Variants in AK3 observed in about 807,000 individuals in gnomAD.
The protein encoded by AK3 is GTP:AMP phosphotransferase AK3, mitochondrial.
AK3 carries 27 observed loss-of-function variants against 23.7 expected under a neutral mutation model. The ratio of observed to expected loss-of-function variants is 1.14; its 90% CI spans 0.84 to 1.57. The LOEUF is 1.57. AK3 is among the 40% of genes most tolerant of loss of function. The probability of loss-of-function intolerance (pLI) is 0.00; values close to 1 mark genes in which losing one functional copy is unlikely to be tolerated. For missense variants in AK3, 406 were observed against 285.6 expected, an observed-to-expected ratio of 1.42 and a Z score of -3.04; for synonymous variants, 159 against 116.0, an observed-to-expected ratio of 1.37 and a Z score of -2.38.
intron 2 of AK3, among the ~76,000 whole-genome samples, chr9:4,719,541 T>C (rs1841837060): frequency 6.6e-6 from 1 of 152,122 alleles, no homozygotes; most frequent in South Asian, 2.1e-4. Flanking sequence ...ATGCTGGGTA[T>C]ATCTGTCAGG....
intron 1 of AK3, among the ~76,000 whole-genome samples, chr9:4,724,454 G>C (rs1841975319): frequency 6.6e-6 from 1 of 152,132 alleles, no homozygotes; most frequent in African/African-American, 2.4e-5. Context: ...TGTAAGAAAA[G>C]ATTGTCTGCC....
In AK3 at chr9:4,733,056, C is replaced by T. The variant is rs148945773; in HGVS notation, c.151+7881G>A. Reference sequence around the variant, plus strand: ...AGAGATAGGGGTCTCACTATGTTGCCCAGGCTGGTCTCAAACTCCTGGACT... The same window carrying T: ...AGAGATAGGGGTCTCACTATGTTGCTCAGGCTGGTCTCAAACTCCTGGACT... On this transcript the variant is annotated intron_variant, in intron 1 of 4. Transcript: ENST00000381809. Among the ~76,000 whole-genome samples the T allele has an allele frequency of 3.3e-5, 5 of 151,778 alleles. No individual in the cohort carries two copies. In the East Asian group the frequency reaches 9.7e-4, roughly 29 times the overall value.
intron 1 of AK3, among the ~76,000 whole-genome samples, chr9:4,729,290 A>G (rs1842099709): frequency 6.6e-6 from 1 of 152,142 alleles, no homozygotes; most frequent in Non-Finnish European, 1.5e-5. Context: ...GATTACAGGC[A>G]TGAGCCACTG....
At chr9:4,730,787 T>C (rs552474778) in intron 1 of AK3, among the ~76,000 whole-genome samples, 1 of 152,338 alleles carries the variant, frequency 6.6e-6, no homozygotes, top group East Asian at 1.9e-4. Context: ...CTAAATAGAT[T>C]TTTGTGTGAT....
intron 1 of AK3, among the ~76,000 whole-genome samples, chr9:4,738,241 C>T (rs1842342485): frequency 6.6e-6 from 1 of 152,220 alleles, no homozygotes; most frequent in South Asian, 2.1e-4. Context: ...TCTCGGCTCG[C>T]TGCAACCTCC....
At chr9:4,721,685 C>G (rs1841899529) in intron 2 of AK3, among the ~76,000 whole-genome samples, 3 of 152,170 alleles carry the variant, frequency 2.0e-5, no homozygotes, top group Non-Finnish European at 2.9e-5. Context: ...TCTTGAACTC[C>G]TGACCTCAGG....
intron 3 of AK3, among the ~76,000 whole-genome samples, chr9:4,718,866 A>C (rs1283558934): frequency 6.6e-5 from 10 of 152,332 alleles, no homozygotes; most frequent in African/African-American, 2.2e-4. Flanking sequence ...AGGTGTTATG[A>C]ATCTCTATCA....
chr9:4,740,567 G>C (rs994117908), intron 1 of AK3, among the ~76,000 whole-genome samples: 1 of 152,228 alleles, frequency 6.6e-6, no homozygotes, highest in African/African-American at 2.4e-5. Context: ...GCTAATGACA[G>C]TCTTCCAAAG....
At chr9:4,740,648 T>G (rs1756867) in intron 1 of AK3, among the ~76,000 whole-genome samples, 1 of 151,920 alleles carries the variant, frequency 6.6e-6, no homozygotes, top group Non-Finnish European at 1.5e-5. Context: ...TGGGAGGACT[T>G]GGGCCTCTGA....
chr9:4,713,614 T>A (rs1204529711), intron 4 of AK3, among the ~76,000 whole-genome samples: 1 of 152,152 alleles, frequency 6.6e-6, no homozygotes, highest in Admixed American at 6.5e-5. Context: ...GGCCAACATT[T>A]ATGTTCTCCT....
chr9:4,730,238 G>T lies in AK3; in HGVS notation c.152-7613C>A, dbSNP rs568116929. Among the ~76,000 whole-genome samples the T allele has an allele frequency of 1.4e-4, 21 of 152,274 alleles. No homozygotes were observed. The East Asian group carries it at 3.9e-3, about 28-fold the overall frequency. ...CGTTTCTTTTTGGAGTGATAAAAATGTTCTAAAATTGATTGAGGTGATGGT... is the reference window on the plus strand; with the variant it reads ...CGTTTCTTTTTGGAGTGATAAAAATTTTCTAAAATTGATTGAGGTGATGGT... On this transcript the variant is annotated intron_variant, in intron 1 of 4. Coordinates refer to ENST00000381809, the MANE Select transcript of AK3 (RefSeq NM_016282.4).
chr9:4,722,636 G>C lies in AK3; in HGVS notation c.152-11C>G. 1 of 1,613,936 alleles carries C rather than the reference G, an allele frequency of 6.2e-7. No homozygotes were observed. Among genetic ancestry groups the C allele is most frequent in the Non-Finnish European group, 8.5e-7 (1 of 1,179,930 alleles). ...CTAACACGCCAATTTCTACAGCAAA[G>C]CGGGGAAAAAAATCAGTAAGTGCAT... On this transcript the variant is annotated splice_polypyrimidine_tract_variant and intron_variant, in intron 1 of 4. Coordinates refer to ENST00000381809, the MANE Select transcript of AK3 (RefSeq NM_016282.4).
intron 1 of AK3, among the ~76,000 whole-genome samples, chr9:4,724,035 T>C (rs569472055): frequency 1.2e-3 from 187 of 152,322 alleles, no homozygotes; most frequent in African/African-American, 4.3e-3. Flanking sequence ...GTCAGATTCA[T>C]GAAACTTCAG....
At position 4,741,038 on chromosome 9, in the gene AK3, CCCGGGG is replaced by C. The variant is rs892243556; in HGVS notation, c.44_49del (p.Ala15_Pro16del). On this transcript the variant is annotated inframe_deletion, in exon 1 of 5. Transcript: ENST00000381809. ...CGACGACACGGTGCCCTTGCCCGAGCCCGGGGCCCCCATGATCACCGCTCGCAGCAG... is the reference window on the plus strand; with the variant it reads ...CGACGACACGGTGCCCTTGCCCGAGCCCCCCATGATCACCGCTCGCAGCAG... 3.8e-6 allele frequency: 6 copies of C among 1,577,134 alleles called. No individual in the cohort carries two copies. The highest frequency in any genetic ancestry group is 3.5e-5 in the South Asian group (3 of 85,994).
chr9:4,733,321 A>T lies in AK3; in HGVS notation c.151+7616T>A, dbSNP rs991771069. The stretch of plus-strand genomic sequence containing the variant: ...TTAGTTAAATGATAGCTTTACACCC[A>T]ATCAAGGGCTTTAAAAAAAAACCTT... On this transcript the variant is annotated intron_variant, in intron 1 of 4. Coordinates refer to ENST00000381809, the MANE Select transcript of AK3 (RefSeq NM_016282.4). 2.4e-5 allele frequency among the ~76,000 whole-genome samples: 3 copies of T among 123,456 alleles called. No individual in the cohort carries two copies. In the East Asian group the frequency reaches 8.7e-4, roughly 36 times the overall value. The allele number at this position is 123,456 out of a possible 152,430, so 81.0% of individuals were successfully genotyped here. A position where few individuals can be genotyped will look rare whatever the true frequency, so the allele number is the denominator to read the frequency against.
At chr9:4,727,324 C>T (rs568668332) in intron 1 of AK3, among the ~76,000 whole-genome samples, 1 of 152,202 alleles carries the variant, frequency 6.6e-6, no homozygotes, top group Non-Finnish European at 1.5e-5. Context: ...CAATAGAAGG[C>T]TGTTTCGTTT....
chr9:4,730,068 C>G (rs932959211), intron 1 of AK3, among the ~76,000 whole-genome samples: 2 of 151,980 alleles, frequency 1.3e-5, no homozygotes, highest in African/African-American at 4.8e-5. Context: ...TGAAAGAAGC[C>G]AGACACAAAA....
chr9:4,734,889 A>T (rs1020329985), intron 1 of AK3, among the ~76,000 whole-genome samples: 1 of 152,180 alleles, frequency 6.6e-6, no homozygotes, highest in Admixed American at 6.5e-5. Flanking sequence ...AAATGAAAGA[A>T]GCCAGTCAGA....
intron 1 of AK3, among the ~76,000 whole-genome samples, chr9:4,731,953 T>C (rs542222971): frequency 3.9e-4 from 60 of 152,250 alleles, no homozygotes; most frequent in Middle Eastern, 6.8e-3. Flanking sequence ...TCTTTTCTTA[T>C]GATTTTCTTT....
Sources: allele counts gnomAD v4.1 joint callset (sites outside exome capture counted in the v4.1 genomes callset), GRCh38; gene constraint gnomAD v4.1.1; transcripts MANE v1.5; gene names NCBI Gene and HGNC (gene_info 2026-07-23, HGNC 2026-07-21).